The following NFATC1 variants were observed in gnomAD, a reference collection of about 807,000 sequenced individuals.
The protein encoded by NFATC1 is nuclear factor of activated T cells 1, also known as nuclear factor of activated T-cells, cytoplasmic 1.
In NFATC1, 22 loss-of-function variants were observed where a neutral mutation model predicts 76.0. The ratio of observed to expected loss-of-function variants is 0.29; its 90% CI spans 0.21 to 0.41. NFATC1 has a LOEUF of 0.41. NFATC1 is among the 10% of genes least tolerant of loss of function. NFATC1 has a pLI of 1.00. For missense variants in NFATC1, 1,357 were observed against 1,337.7 expected, an observed-to-expected ratio of 1.01 and a Z score of -0.23; for synonymous variants, 704 against 613.1, an observed-to-expected ratio of 1.15 and a Z score of -2.19.
chr18:79,503,589 G>A (rs560379758), intron 9 of NFATC1, among the ~76,000 whole-genome samples: 2 of 152,262 alleles, frequency 1.3e-5, no homozygotes, highest in African/African-American at 4.8e-5. Flanking sequence ...AGGAGATTCC[G>A]CGTCATTCTT....
At chr18:79,425,532 G>A (rs1033317121) in intron 2 of NFATC1, among the ~76,000 whole-genome samples, 1 of 152,248 alleles carries the variant, frequency 6.6e-6, no homozygotes, top group Non-Finnish European at 1.5e-5. Flanking sequence ...TAAGCAATGA[G>A]CACGTGCGGG....
At chr18:79,512,843 C>T (rs563203063) in intron 9 of NFATC1, among the ~76,000 whole-genome samples, 6 of 152,322 alleles carry the variant, frequency 3.9e-5, no homozygotes, top group African/African-American at 1.2e-4. Flanking sequence ...TGCGGGGAGG[C>T]GCGCTGACGG....
intron 8 of NFATC1, among the ~76,000 whole-genome samples, chr18:79,482,935 C>G (rs1425448268): frequency 1.1e-3 from 86 of 76,498 alleles, no homozygotes; most frequent in East Asian, 2.8e-3. Context: ...AGCGTGACCT[C>G]GTTCCTGGGG....
intron 6 of NFATC1, among the ~76,000 whole-genome samples, chr18:79,460,806 T>C (rs1227483749): frequency 6.6e-6 from 1 of 152,024 alleles, no homozygotes; most frequent in East Asian, 1.9e-4. Context: ...CTCTCACACC[T>C]CCTGCATCCC....
chr18:79,437,698 G>T (rs2086831694), intron 3 of NFATC1, among the ~76,000 whole-genome samples: 1 of 152,340 alleles, frequency 6.6e-6, no homozygotes, highest in African/African-American at 2.4e-5. Flanking sequence ...TCCACCCTCT[G>T]CCCTGACGGC....
At position 79,458,330 on chromosome 18, in the gene NFATC1, TTGGGGAGCAGGGCAGGAGACGCCG is replaced by T. The variant is rs994828537; in HGVS notation, c.1904-2967_1904-2944del. 1.1e-4 allele frequency among the ~76,000 whole-genome samples: 12 copies of T among 107,936 alleles called. No homozygotes were observed. The East Asian group carries it at 2.5e-3, about 22-fold the overall frequency. 70.8% of individuals were successfully genotyped at this position (107,936 alleles called of 152,430 possible). Reference sequence around the variant, plus strand: ...GCGGGGAGCAGGGCACGAGGATGCTTTGGGGAGCAGGGCAGGAGACGCCGTGGGGAGCAGGGCTCGAGGGCACCG... The same window carrying T: ...GCGGGGAGCAGGGCACGAGGATGCTTTGGGGAGCAGGGCTCGAGGGCACCG... On this transcript the variant is annotated intron_variant, in intron 6 of 9. Coordinates refer to ENST00000427363, the MANE Select transcript of NFATC1 (RefSeq NM_001278669.2).
At chr18:79,481,869 C>T (rs1416345679) in intron 8 of NFATC1, among the ~76,000 whole-genome samples, 2 of 147,160 alleles carry the variant, frequency 1.4e-5, no homozygotes, top group African/African-American at 5.3e-5. Flanking sequence ...TCCAGCGCGA[C>T]CTTGTTCCTG....
chr18:79,409,437 C>G (rs1022641648), intron 1 of NFATC1, among the ~76,000 whole-genome samples: 1 of 152,020 alleles, frequency 6.6e-6, no homozygotes, highest in Non-Finnish European at 1.5e-5. Flanking sequence ...ATCCATTTAT[C>G]TATCCATCCA....
intron 6 of NFATC1, among the ~76,000 whole-genome samples, chr18:79,452,991 C>T (rs1049334234): frequency 5.9e-5 from 9 of 152,198 alleles, no homozygotes; most frequent in African/African-American, 2.2e-4. Flanking sequence ...CTTTAGAGGT[C>T]TTTGACTCTA....
chr18:79,433,518 C>G, intron 2 of NFATC1, 61 bp from the exon 3 acceptor site: 2 of 1,597,782 alleles, frequency 1.3e-6, no homozygotes, highest in South Asian at 2.2e-5. Context: ...AGCACGGGCA[C>G]GTGTGGCCCG....
chr18:79,478,119 C>T (rs1415037857), intron 8 of NFATC1, among the ~76,000 whole-genome samples: 2 of 114,438 alleles, frequency 1.7e-5, no homozygotes, highest in Non-Finnish European at 3.7e-5. Flanking sequence ...GCCCCCAGGC[C>T]CCCCCCCGCC....
At chr18:79,452,817 C>T (rs936238311) in intron 6 of NFATC1, among the ~76,000 whole-genome samples, 1 of 152,212 alleles carries the variant, frequency 6.6e-6, no homozygotes, top group South Asian at 2.1e-4. Flanking sequence ...GGGCATGCCC[C>T]CACAAGGCCT....
chr18:79,433,881 C>T, intron 3 of NFATC1, 143 bp downstream of exon 3: 1 of 951,286 alleles, frequency 1.1e-6, no homozygotes, highest in East Asian at 2.9e-5. Context: ...CGGCTGCTCA[C>T]CGCCTCTGAG....
intron 8 of NFATC1, among the ~76,000 whole-genome samples, chr18:79,476,089 G>A (rs529216850): frequency 7.6e-4 from 115 of 152,290 alleles, no homozygotes; most frequent in Admixed American, 2.5e-3. Context: ...TAAGGGCCAC[G>A]GGCCACCAAA....
chr18:79,410,892 AGTCTCCCTGCGT>A lies in NFATC1; in HGVS notation c.625_636del (p.Cys209_Pro212del), dbSNP rs752340463. 4.4e-6 allele frequency: 7 copies of A among 1,608,762 alleles called. No individual in the cohort carries two copies. In the South Asian group the frequency reaches 7.7e-5, roughly 18 times the overall value. On this transcript the variant is annotated inframe_deletion, in exon 2 of 10. Coordinates refer to ENST00000427363, the MANE Select transcript of NFATC1 (RefSeq NM_001278669.2). This position sits in a 1 kb window ranked among gnomAD's most constrained non-coding sequence, Gnocchi z 6.7. ...GCGTCCCCCCAGACGTCGCCATGGCAGTCTCCCTGCGTGTCTCCCAAGACCACGGACCCCGAG... is the reference window on the plus strand; with the variant it reads ...GCGTCCCCCCAGACGTCGCCATGGCAGTCTCCCAAGACCACGGACCCCGAG...
intron 7 of NFATC1, among the ~76,000 whole-genome samples, chr18:79,462,085 G>A (rs375016934): frequency 3.2e-4 from 49 of 152,296 alleles, no homozygotes; most frequent in African/African-American, 1.1e-3. Flanking sequence ...GCATACAGCC[G>A]GTGCCTGAGG....
intron 9 of NFATC1, among the ~76,000 whole-genome samples, chr18:79,517,770 T>G (rs1374278041): frequency 6.6e-6 from 1 of 152,220 alleles, no homozygotes; most frequent in African/African-American, 2.4e-5. Context: ...AATTGGTTGT[T>G]GATTGGAACT....
intron 2 of NFATC1, among the ~76,000 whole-genome samples, chr18:79,414,835 G>A (rs571615834): frequency 6.6e-6 from 1 of 152,356 alleles, no homozygotes; most frequent in South Asian, 2.1e-4. Context: ...CTTTCCGTGT[G>A]CTGTTGAGGG....
chr18:79,521,034 T>C (rs2090538116), intron 9 of NFATC1, among the ~76,000 whole-genome samples: 1 of 89,620 alleles, frequency 1.1e-5, no homozygotes, highest in African/African-American at 4.4e-5. Flanking sequence ...TGTGTCTGTG[T>C]ATGGGGGTGG....
Sources: allele counts gnomAD v4.1 joint callset (sites outside exome capture counted in the v4.1 genomes callset), GRCh38; gene constraint gnomAD v4.1.1; non-coding constraint Gnocchi (gnomAD v3.1); transcripts MANE v1.5; gene names NCBI Gene and HGNC (gene_info 2026-07-23, HGNC 2026-07-21).